The following PDE10A variants were observed in gnomAD, a reference collection of about 807,000 sequenced individuals.
PDE10A encodes the protein cAMP and cAMP-inhibited cGMP 3',5'-cyclic phosphodiesterase 10A.
A neutral mutation model predicts 97.7 loss-of-function variants in PDE10A; 39 were observed. That is an observed-to-expected ratio of 0.40 (90% confidence interval 0.31 to 0.52). The LOEUF (loss-of-function observed/expected upper bound fraction) is 0.52. Ranked by LOEUF, PDE10A falls within the 20% of genes least tolerant of loss-of-function variation. The probability of loss-of-function intolerance (pLI) is 0.56; values close to 1 mark genes in which losing one functional copy is unlikely to be tolerated. For synonymous variants in PDE10A, 371 were observed against 376.8 expected, an observed-to-expected ratio of 0.98 and a Z score of 0.18; for missense variants, 731 against 1,047.8, an observed-to-expected ratio of 0.70 and a Z score of 4.17.
intron 1 of PDE10A, among the ~76,000 whole-genome samples, chr6:165,548,974 T>C (rs1031918767): frequency 2.0e-5 from 3 of 151,050 alleles, no homozygotes; most frequent in Non-Finnish European, 4.4e-5. Flanking sequence ...TTGTAACTAT[T>C]ATCCTTAACT....
At chr6:165,504,131 G>T (rs1286157824) in intron 2 of PDE10A, among the ~76,000 whole-genome samples, 1 of 152,044 alleles carries the variant, frequency 6.6e-6, no homozygotes, top group Non-Finnish European at 1.5e-5. Context: ...AATAATTCTA[G>T]AATCCTACCA....
intron 1 of PDE10A, among the ~76,000 whole-genome samples, chr6:165,971,842 A>G (rs943871259): frequency 1.3e-5 from 2 of 152,088 alleles, no homozygotes; most frequent in Admixed American, 1.3e-4. Context: ...TATTTATTTT[A>G]TTATTTTTAC....
intron 1 of PDE10A, among the ~76,000 whole-genome samples, chr6:165,682,949 T>C (rs1425128788): frequency 6.6e-6 from 1 of 152,184 alleles, no homozygotes; most frequent in African/African-American, 2.4e-5. Context: ...CTCTCCATCA[T>C]GTCATTCAAC....
In PDE10A at chr6:165,349,293, A is replaced by G. The variant is rs371043816; in HGVS notation, c.2784-5791T>C. Among the ~76,000 whole-genome samples, 28 of 152,310 alleles carry G rather than the reference A, an allele frequency of 1.8e-4. No individual in the cohort carries two copies. In the East Asian group the frequency reaches 1.9e-3, roughly 11 times the overall value. ...CAAAATGCTGACAGTGATAAGGACA[A>G]TGAAGTCCAGGCTGGTCCAGGTGGT... On this transcript the variant is annotated intron_variant, in intron 18 of 21. Coordinates refer to ENST00000539869, the MANE Select transcript of PDE10A (RefSeq NM_001385079.1).
intron 1 of PDE10A, among the ~76,000 whole-genome samples, chr6:165,656,882 T>A (rs1789996339): frequency 6.6e-6 from 1 of 152,216 alleles, no homozygotes; most frequent in Non-Finnish European, 1.5e-5. Context: ...CTGTGATCTG[T>A]GTGCTCCTCG....
At chr6:165,751,984 A>C (rs1793013008) in intron 1 of PDE10A, among the ~76,000 whole-genome samples, 1 of 151,956 alleles carries the variant, frequency 6.6e-6, no homozygotes, top group African/African-American at 2.4e-5. Context: ...CTAAAAAAAA[A>C]GTGAAAAAAC....
rs1207843356 is a variant in PDE10A at position 165,440,357 on chromosome 6, A to T, written c.1195-4980T>A. On this transcript the variant is annotated intron_variant, in intron 5 of 21. Coordinates refer to ENST00000539869, the MANE Select transcript of PDE10A (RefSeq NM_001385079.1). The stretch of plus-strand genomic sequence containing the variant: ...ATACATACTGAAGGTAAAACTTAAG[A>T]TTCTTCTGCTCTTCCATTTTTCCCA... Among the ~76,000 whole-genome samples the T allele has an allele frequency of 2.0e-5, 3 of 152,358 alleles. No homozygotes were observed. The East Asian group carries it at 5.8e-4, about 29-fold the overall frequency.
chr6:165,534,421 G>A (rs1782958293), intron 2 of PDE10A, among the ~76,000 whole-genome samples: 1 of 151,586 alleles, frequency 6.6e-6, no homozygotes, highest in African/African-American at 2.4e-5. Context: ...ACACTGAGGA[G>A]GAGAAAATAC....
intron 1 of PDE10A, among the ~76,000 whole-genome samples, chr6:165,804,531 G>A (rs757615735): frequency 1.3e-5 from 2 of 152,144 alleles, no homozygotes; most frequent in Non-Finnish European, 2.9e-5. Context: ...GCGAACCACA[G>A]AAACGAGGCC....
At chr6:165,975,414 G>A (rs1398040393) in intron 1 of PDE10A, among the ~76,000 whole-genome samples, 1 of 152,094 alleles carries the variant, frequency 6.6e-6, no homozygotes, top group East Asian at 1.9e-4. Context: ...AGACCAGCCT[G>A]GGCAACATAG....
At position 165,413,656 on chromosome 6, in the gene PDE10A, G is replaced by A. The variant is rs1788072395; in HGVS notation, c.1921C>T (p.Arg641Trp). The A allele has an allele frequency of 1.2e-6, 2 of 1,614,028 alleles. No homozygotes were observed. Among genetic ancestry groups the A allele is most frequent in the Non-Finnish European group, 1.7e-6 (2 of 1,179,958 alleles). The change falls in exon 13 of 22, where the codon CGG becomes TGG. Residue 641 changes from arginine to tryptophan, a missense_variant. Physicochemically the swap from Arg to Trp is moderately radical, Grantham distance 101. Around this residue, in one of 8 missense-constraint regions of PDE10A, gnomAD observed 108 missense variants for 199.8 expected, o/e 0.54. Coordinates refer to ENST00000539869, the MANE Select transcript of PDE10A (RefSeq NM_001385079.1). ...EVDLYTGYTTRNILCMPIVSR... is the reference protein window; with the variant it reads ...EVDLYTGYTTWNILCMPIVSR... ...ACGATGGGCATGCACAGGATGTTCC[G>A]CGTGGTGTAGCCTGTGTACAAGTCT...
intron 13 of PDE10A, among the ~76,000 whole-genome samples, chr6:165,402,527 T>A (rs1465295097): frequency 6.6e-6 from 1 of 152,154 alleles, no homozygotes; most frequent in African/African-American, 2.4e-5. Context: ...TAGGTGCATT[T>A]TGTATAAATT....
chr6:165,592,781 T>C (rs1192180494), intron 1 of PDE10A, among the ~76,000 whole-genome samples: 2 of 152,194 alleles, frequency 1.3e-5, no homozygotes, highest in Non-Finnish European at 2.9e-5. Flanking sequence ...ATGGCCATCA[T>C]TAAAAAGTCA....
intron 1 of PDE10A, among the ~76,000 whole-genome samples, chr6:165,961,959 C>T (rs979486170): frequency 6.6e-6 from 1 of 152,230 alleles, no homozygotes; most frequent in Non-Finnish European, 1.5e-5. Flanking sequence ...CATTATTTGC[C>T]AATCCCTACC....
At chr6:165,398,010 GTCTT>G (rs2128219039) in intron 13 of PDE10A, among the ~76,000 whole-genome samples, 1 of 152,080 alleles carries the variant, frequency 6.6e-6, no homozygotes, top group African/African-American at 2.4e-5. Context: ...TACTAAATAA[GTCTT>G]TGTTCTTACT....
chr6:165,958,599 A>G (rs202105257), intron 1 of PDE10A, among the ~76,000 whole-genome samples: 21 of 36,182 alleles, frequency 5.8e-4, no homozygotes, highest in Non-Finnish European at 9.2e-4. Flanking sequence ...GAGAGAAAGA[A>G]AGAGAGAAAG....
chr6:165,839,339 T>C (rs1270287541), intron 1 of PDE10A, among the ~76,000 whole-genome samples: 1 of 152,250 alleles, frequency 6.6e-6, no homozygotes, highest in Non-Finnish European at 1.5e-5. Context: ...ATCTCAAACT[T>C]TTAATGAGAA....
At position 165,662,016 on chromosome 6, in the gene PDE10A, C is replaced by G; in HGVS notation, c.796G>C (p.Asp266His). The change falls in exon 1 of 22, where the codon GAC becomes CAC. Residue 266 changes from aspartate (D) to histidine (H), a missense_variant. By Grantham distance (81) the Asp-to-His change is moderately conservative (BLOSUM62 -1). Coordinates refer to ENST00000539869, the MANE Select transcript of PDE10A (RefSeq NM_001385079.1). ...TTATTAGAAGGTCCATCTTCCATGT[C>G]GGAGCCGAAGAGCAGCGCGGCCGCG... ...AAAAALLFGS[D>H]MEDGPSNNAS... The G allele has an allele frequency of 1.3e-6, 2 of 1,505,474 alleles. No homozygotes were observed. Among genetic ancestry groups the G allele is most frequent in the Non-Finnish European group, 9.0e-7 (1 of 1,117,178 alleles). The allele number at this position is 1,505,474 out of a possible 1,614,324, so 93.3% of individuals were successfully genotyped here.
At chr6:165,511,556 A>G (rs1781510474) in intron 2 of PDE10A, among the ~76,000 whole-genome samples, 1 of 151,934 alleles carries the variant, frequency 6.6e-6, no homozygotes. Context: ...TTTAAACACA[A>G]TGTTTATTTG....
Sources: allele counts gnomAD v4.1 joint callset (sites outside exome capture counted in the v4.1 genomes callset), GRCh38; gene constraint gnomAD v4.1.1; regional missense constraint gnomAD v4.1.1; transcripts MANE v1.5; gene names NCBI Gene and HGNC (gene_info 2026-07-23, HGNC 2026-07-21).